Variants in LARGE1 observed in about 807,000 individuals in gnomAD.
The protein encoded by LARGE1 is LARGE xylosyl- and glucuronyltransferase 1.
In LARGE1, 43 loss-of-function variants were observed where a neutral mutation model predicts 87.6. That is an observed-to-expected ratio of 0.49 (90% CI 0.38 to 0.63). The LOEUF is 0.63. Among genes scored for constraint, LARGE1 ranks in the 30% least tolerant of loss-of-function variants. LARGE1 has a pLI of 0.00. For missense variants in LARGE1, 802 were observed against 1,000.2 expected, an observed-to-expected ratio of 0.80 and a Z score of 2.67; for synonymous variants, 434 against 394.6, an observed-to-expected ratio of 1.10 and a Z score of -1.18.
At chr22:33,281,029 T>C (rs1031629747) in intron 13 of LARGE1, among the ~76,000 whole-genome samples, 1 of 152,088 alleles carries the variant, frequency 6.6e-6, no homozygotes, top group Non-Finnish European at 1.5e-5. Flanking sequence ...CCAGGTGTGG[T>C]AGGGAGCAGA....
chr22:33,604,310 C>T (rs2079190583), intron 5 of LARGE1, 125 bp downstream of exon 5: 3 of 1,278,552 alleles, frequency 2.3e-6, no homozygotes, highest in South Asian at 1.2e-5. Flanking sequence ...CAAACAACTT[C>T]CTTACGCCCT....
At chr22:33,488,629 G>A (rs1262307963) in intron 6 of LARGE1, among the ~76,000 whole-genome samples, 2 of 152,096 alleles carry the variant, frequency 1.3e-5, no homozygotes, top group Non-Finnish European at 2.9e-5. Context: ...TAAAAATAAA[G>A]ACATTAAAAA....
chr22:33,365,360 G>A (rs1022685363), intron 9 of LARGE1, among the ~76,000 whole-genome samples: 1 of 152,144 alleles, frequency 6.6e-6, no homozygotes, highest in Admixed American at 6.6e-5. Context: ...CAGACCACTG[G>A]TCAACTGAGA....
At chr22:33,089,371 C>CTT in the LARGE1 span, among the ~76,000 whole-genome samples, 2,096 of 76,064 alleles carry the variant, frequency 0.028, 61 homozygotes, top group East Asian at 0.057. Flanking sequence ...TTCTTCTTCT[C>CTT]CTTCTTCTTC....
chr22:33,239,528 T>C (rs1926405293), intron 11 of LARGE1, among the ~76,000 whole-genome samples: 2 of 136,660 alleles, frequency 1.5e-5, no homozygotes, highest in Admixed American at 7.4e-5. Flanking sequence ...ATTTCTTTTT[T>C]TCTTTTCTTT....
At chr22:33,263,661 C>A (rs544092768) in intron 11 of LARGE1, among the ~76,000 whole-genome samples, 1 of 152,368 alleles carries the variant, frequency 6.6e-6, no homozygotes, top group South Asian at 2.1e-4. Context: ...GAGCACAGGT[C>A]TGCCATAACT....
chr22:33,596,946 A>G (rs2078992388), intron 5 of LARGE1, among the ~76,000 whole-genome samples: 1 of 152,214 alleles, frequency 6.6e-6, no homozygotes, highest in South Asian at 2.1e-4. Flanking sequence ...TTATTAGTGA[A>G]CTGGGGGATT....
At chr22:33,426,464 C>T (rs753717789) in intron 7 of LARGE1, among the ~76,000 whole-genome samples, 2 of 152,106 alleles carry the variant, frequency 1.3e-5, no homozygotes, top group African/African-American at 2.4e-5. Context: ...AATTAAGATG[C>T]AGAGAAATGA....
At chr22:33,198,727 A>G (rs777632828) in intron 11 of LARGE1, among the ~76,000 whole-genome samples, 23 of 151,718 alleles carry the variant, frequency 1.5e-4, no homozygotes, top group Non-Finnish European at 2.5e-4. Context: ...TATATAGAAC[A>G]TTGTCTTCAT....
At chr22:33,751,297 A>G (rs1401114722) in intron 2 of LARGE1, among the ~76,000 whole-genome samples, 1 of 152,120 alleles carries the variant, frequency 6.6e-6, no homozygotes, top group Non-Finnish European at 1.5e-5. Flanking sequence ...CCTGGCCAAC[A>G]TGGCGAAACC....
At chr22:33,583,276 T>C (rs2078574657) in intron 5 of LARGE1, among the ~76,000 whole-genome samples, 1 of 152,216 alleles carries the variant, frequency 6.6e-6, no homozygotes, top group African/African-American at 2.4e-5. Context: ...TGCCTCTCAA[T>C]GCAGTCACCT....
intron 2 of LARGE1, among the ~76,000 whole-genome samples, chr22:33,655,155 A>G (rs1320813056): frequency 6.6e-6 from 1 of 152,090 alleles, no homozygotes; most frequent in Non-Finnish European, 1.5e-5. Context: ...GTGATCAAAC[A>G]TCATTTTGGG....
intron 5 of LARGE1, among the ~76,000 whole-genome samples, chr22:33,575,221 G>C (rs2078319416): frequency 6.6e-6 from 1 of 152,120 alleles, no homozygotes; most frequent in Non-Finnish European, 1.5e-5. Flanking sequence ...ATTTACACTG[G>C]ATCAACAACC....
At chr22:33,398,983 A>T (rs9607041) in intron 7 of LARGE1, among the ~76,000 whole-genome samples, 11,440 of 152,048 alleles carry the variant, frequency 0.075, 623 homozygotes, top group Admixed American at 0.19. Context: ...CTGCTTTTTT[A>T]AAAAAAATTT....
chr22:33,559,401 C>T (rs2077788390), intron 6 of LARGE1, among the ~76,000 whole-genome samples: 1 of 152,186 alleles, frequency 6.6e-6, no homozygotes, highest in African/African-American at 2.4e-5. Flanking sequence ...AGGCTGGTCT[C>T]AAACTCCTGA....
At chr22:33,495,825 A>G (rs1387585113) in intron 6 of LARGE1, among the ~76,000 whole-genome samples, 1 of 152,200 alleles carries the variant, frequency 6.6e-6, no homozygotes, top group Non-Finnish European at 1.5e-5. Flanking sequence ...GTAGACTCTA[A>G]CTGGATCTGC....
At chr22:33,219,722 G>A (rs1925367911) in intron 11 of LARGE1, among the ~76,000 whole-genome samples, 1 of 152,108 alleles carries the variant, frequency 6.6e-6, no homozygotes, top group African/African-American at 2.4e-5. Context: ...TTCAACCATT[G>A]CCAGAAGTGA....
intron 6 of LARGE1, among the ~76,000 whole-genome samples, chr22:33,532,105 T>C (rs2072236252): frequency 6.6e-6 from 1 of 152,256 alleles, no homozygotes; most frequent in Admixed American, 6.5e-5. Context: ...GCTAAATAAA[T>C]GGATGAATAG....
At chr22:33,620,944 C>T (rs2079732213) in intron 4 of LARGE1, among the ~76,000 whole-genome samples, 1 of 151,920 alleles carries the variant, frequency 6.6e-6, no homozygotes, top group African/African-American at 2.4e-5. Context: ...AACAAGATTA[C>T]CTTTATTTCT....
Sources: allele counts gnomAD v4.1 joint callset (sites outside exome capture counted in the v4.1 genomes callset), GRCh38; gene constraint gnomAD v4.1.1; transcripts MANE v1.5; gene names NCBI Gene and HGNC (gene_info 2026-07-23, HGNC 2026-07-21).